Variants in PCDHGA11 observed in about 807,000 individuals in gnomAD.
PCDHGA11 encodes protocadherin gamma subfamily A, 11.
A neutral mutation model predicts 60.4 loss-of-function variants in PCDHGA11; 39 were observed. The observed-to-expected ratio is 0.65, with a 90% CI of 0.50 to 0.84. PCDHGA11 has a LOEUF of 0.84. Among genes scored for constraint, PCDHGA11 ranks in the 40% least tolerant of loss-of-function variants. The pLI is 0.00. For missense variants in PCDHGA11, 1,165 were observed against 1,197.7 expected, an observed-to-expected ratio of 0.97 and a Z score of 0.40; for synonymous variants, 533 against 510.3, an observed-to-expected ratio of 1.04 and a Z score of -0.60.
chr5:141,489,267 C>A lies in PCDHGA11; in HGVS notation c.2434-5540C>A. On this transcript the variant is annotated intron_variant, in intron 1 of 3. Transcript: ENST00000398587. This position sits in a 1 kb window ranked among gnomAD's most constrained non-coding sequence, Gnocchi z 4.5. ...TGGGGCCCAAGACACTCCCACAGCT[C>A]GCTGGGAAATGGCAAGTGCTGTGCA... is the stretch of plus-strand genomic sequence containing the variant. 1 of 1,553,300 alleles carries A rather than the reference C, an allele frequency of 6.4e-7. No homozygotes were observed. The highest frequency in any genetic ancestry group is 8.7e-7 in the Non-Finnish European group (1 of 1,149,864).
At chr5:141,508,499 C>T (rs1425054102) in intron 3 of PCDHGA11, among the ~76,000 whole-genome samples, 7 of 152,212 alleles carry the variant, frequency 4.6e-5, no homozygotes, top group Non-Finnish European at 1.0e-4. Flanking sequence ...CATATCTTCT[C>T]TCCCTCCTGG....
chr5:141,447,742 T>G (rs1440015460), intron 1 of PCDHGA11, among the ~76,000 whole-genome samples: 3 of 152,056 alleles, frequency 2.0e-5, no homozygotes, highest in Non-Finnish European at 4.4e-5. Flanking sequence ...AACTTAAGAG[T>G]CTTGCATGTG....
intron 2 of PCDHGA11, among the ~76,000 whole-genome samples, chr5:141,498,371 C>T (rs188547878): frequency 6.6e-6 from 1 of 151,838 alleles, no homozygotes; most frequent in Admixed American, 6.6e-5. Flanking sequence ...TGTGGTGAGG[C>T]CTCCTGGGAT....
At chr5:141,429,045 G>C (rs919761577) in intron 1 of PCDHGA11, 15 of 151,954 alleles carry the variant, frequency 9.9e-5, no homozygotes, top group African/African-American at 2.9e-4. Context: ...TAGTACAGAC[G>C]GGGTTTCACC....
At chr5:141,482,356 G>T (rs1330274684) in intron 1 of PCDHGA11, among the ~76,000 whole-genome samples, 1 of 152,236 alleles carries the variant, frequency 6.6e-6, no homozygotes, top group East Asian at 1.9e-4. Flanking sequence ...TGTTGTGAGA[G>T]TGAAAAGTAA....
chr5:141,423,597 G>A lies in PCDHGA11; in HGVS notation c.2370G>A (p.Glu790=). 6.2e-7 allele frequency: 1 copy of A among 1,613,188 alleles called. No homozygotes were observed. Among genetic ancestry groups the A allele is most frequent in the Non-Finnish European group, 8.5e-7 (1 of 1,179,442 alleles). ...GCCAGGAGAGCTGTGAGAAAAGCGA[G>A]CCACTCTTGATAGCTGAAGACTCAG... ...LISQESCEKS[E]PLLIAEDSAI... The change falls in exon 1 of 4, where the codon GAG becomes GAA. Residue 790 remains glutamate, a synonymous_variant. Coordinates refer to ENST00000398587, the MANE Select transcript of PCDHGA11 (RefSeq NM_018914.3).
At chr5:141,468,063 A>G (rs2099157033) in intron 1 of PCDHGA11, among the ~76,000 whole-genome samples, 1 of 152,064 alleles carries the variant, frequency 6.6e-6, no homozygotes, top group South Asian at 2.1e-4. Flanking sequence ...AGTGGCTCAC[A>G]CCTGTAATCC....
rs144113016 is a variant in PCDHGA11 at position 141,428,135 on chromosome 5, G to T, written c.2433+4475G>T. On this transcript the variant is annotated intron_variant, in intron 1 of 3. Coordinates refer to ENST00000398587, the MANE Select transcript of PCDHGA11 (RefSeq NM_018914.3). Reference sequence around the variant, plus strand: ...CCATCGAGCCCGGGCTTTTCAGCCTGGGGCTGCACACGGGAACCTGCTGGT... The same window carrying T: ...CCATCGAGCCCGGGCTTTTCAGCCTTGGGCTGCACACGGGAACCTGCTGGT... 347 of 1,601,046 alleles carry T rather than the reference G, an allele frequency of 2.2e-4. No homozygotes were observed. The African/African-American group carries it at 3.9e-3, about 18-fold the overall frequency.
intron 1 of PCDHGA11, among the ~76,000 whole-genome samples, chr5:141,446,430 T>A (rs1468987045): frequency 6.6e-6 from 1 of 152,058 alleles, no homozygotes; most frequent in Non-Finnish European, 1.5e-5. Flanking sequence ...ATTTGAAGGA[T>A]CTGAGAAACA....
At chr5:141,499,451 T>A (rs1378621877) in intron 2 of PCDHGA11, among the ~76,000 whole-genome samples, 3 of 152,130 alleles carry the variant, frequency 2.0e-5, no homozygotes, top group Non-Finnish European at 4.4e-5. Flanking sequence ...AAACCACCCA[T>A]CATTTTACAA....
intron 1 of PCDHGA11, 162 bp from the exon 2 acceptor site, chr5:141,494,645 G>A: frequency 1.1e-6 from 1 of 935,948 alleles, no homozygotes. Flanking sequence ...GAGACCTGAG[G>A]TGTATTTTGT....
intron 1 of PCDHGA11, among the ~76,000 whole-genome samples, chr5:141,479,977 A>G (rs145953890): frequency 0.015 from 2,300 of 152,320 alleles, 30 homozygotes; most frequent in Non-Finnish European, 0.024. Context: ...AGGTTCTACC[A>G]TTTACCAACT....
rs1376069004 is a variant in PCDHGA11 at position 141,457,869 on chromosome 5, G to T, written c.2433+34209G>T. On this transcript the variant is annotated intron_variant, in intron 1 of 3. Transcript: ENST00000398587. ...AAGTGACATTCTTCACTGACCACAG[G>T]TTAGGAACCCTGTGTGGGGACTGTG... 2.0e-5 allele frequency among the ~76,000 whole-genome samples: 3 copies of T among 152,334 alleles called. No individual in the cohort carries two copies. The East Asian group carries it at 5.8e-4, about 29-fold the overall frequency.
At position 141,432,783 on chromosome 5, in the gene PCDHGA11, T is replaced by G; in HGVS notation, c.2433+9123T>G. The G allele has an allele frequency of 6.2e-7, 1 of 1,614,118 alleles. No individual in the cohort carries two copies. On this transcript the variant is annotated intron_variant, in intron 1 of 3. Transcript: ENST00000398587. The surrounding 1 kb of genome is among the most constrained non-coding windows in gnomAD (Gnocchi z 6.0). ...AGCATCCCCCAAGTCCTGGCGGACC[T>G]CGGCAGCCTCGAGTCTCCAGCTAAC...
rs191354649 is a variant in PCDHGA11 at position 141,510,446 on chromosome 5, C to T, written c.2582-501C>T. 8.9e-4 allele frequency among the ~76,000 whole-genome samples: 135 copies of T among 152,154 alleles called. 1 individual carries two copies. Among genetic ancestry groups the T allele is most frequent in the Non-Finnish European group, 1.7e-3 (114 of 68,010 alleles). On this transcript the variant is annotated intron_variant, in intron 3 of 3. Coordinates refer to ENST00000398587, the MANE Select transcript of PCDHGA11 (RefSeq NM_018914.3). ...TTTCATGGCTGCTGCCCTCCAGGAG[C>T]CCATGGTCTAGTGTGGGAGTCAGAG...
At position 141,490,176 on chromosome 5, in the gene PCDHGA11, G is replaced by T. The variant is rs758876319; in HGVS notation, c.2434-4631G>T. On this transcript the variant is annotated intron_variant, in intron 1 of 3. Transcript: ENST00000398587. This position sits in a 1 kb window ranked among gnomAD's most constrained non-coding sequence, Gnocchi z 5.4. ...TGTTGGGTCCCATAGACTTTGAGGAGTCACGTTTCTATGAAATTCATGCAA... is the reference window on the plus strand; with the variant it reads ...TGTTGGGTCCCATAGACTTTGAGGATTCACGTTTCTATGAAATTCATGCAA... 12 of 1,614,100 alleles carry T rather than the reference G, an allele frequency of 7.4e-6. No homozygotes were observed. Among genetic ancestry groups the T allele is most frequent in the Non-Finnish European group, 1.0e-5 (12 of 1,180,046 alleles).
chr5:141,431,474 G>T lies in PCDHGA11; in HGVS notation c.2433+7814G>T, dbSNP rs747313827. 3.7e-6 allele frequency: 6 copies of T among 1,613,842 alleles called. No homozygotes were observed. The South Asian group carries it at 6.6e-5, about 18-fold the overall frequency. ...GATGGTTCTGGATGCGAACGACAAC[G>T]CACCAGCGTTTGCTCAGCCCGAGTA... is the stretch of plus-strand genomic sequence containing the variant. On this transcript the variant is annotated intron_variant, in intron 1 of 3. Transcript: ENST00000398587. The surrounding 1 kb of genome is among the most constrained non-coding windows in gnomAD (Gnocchi z 4.8).
chr5:141,462,682 G>T (rs560423384), intron 1 of PCDHGA11, among the ~76,000 whole-genome samples: 2 of 151,790 alleles, frequency 1.3e-5, no homozygotes, highest in Non-Finnish European at 2.9e-5. Context: ...TTAAATTTTT[G>T]AGCACATTTA....
rs756761584 is a variant in PCDHGA11 at position 141,476,545 on chromosome 5, G to A, written c.2434-18262G>A. 13 of 1,614,230 alleles carry A rather than the reference G, an allele frequency of 8.1e-6. No homozygotes were observed. The Admixed American group carries it at 2.2e-4, about 27-fold the overall frequency. On this transcript the variant is annotated intron_variant, in intron 1 of 3. Coordinates refer to ENST00000398587, the MANE Select transcript of PCDHGA11 (RefSeq NM_018914.3). This position sits in a 1 kb window ranked among gnomAD's most constrained non-coding sequence, Gnocchi z 7.6. ...TCCCTACCCAGGAAATGAAATTGGA[G>A]ATTAGCGAGGCCGTGGCTCCGGGGA...
Sources: gnomAD v4.1 joint callset for allele counts (sites outside exome capture counted in the v4.1 genomes callset) on GRCh38, gnomAD v4.1.1 for gene constraint, Gnocchi (gnomAD v3.1) non-coding constraint, MANE v1.5 for transcripts, NCBI Gene and HGNC (gene_info 2026-07-23, HGNC 2026-07-21) for gene names.